The following GPC5 variants were observed in gnomAD, a reference collection of about 807,000 sequenced individuals.
GPC5 encodes glypican-5.
A neutral mutation model predicts 53.9 loss-of-function variants in GPC5; 47 were observed. The ratio of observed to expected loss-of-function variants is 0.87; its 90% CI spans 0.69 to 1.11. GPC5 has a LOEUF of 1.11. GPC5 is among the 50% of genes most tolerant of loss of function. The probability of loss-of-function intolerance (pLI) is 0.00; values close to 1 mark genes in which losing one functional copy is unlikely to be tolerated. For missense variants in GPC5, 748 were observed against 713.1 expected (o/e 1.05, Z -0.56); for synonymous variants, 286 against 263.3 (o/e 1.09, Z -0.84).
intron 7 of GPC5, among the ~76,000 whole-genome samples, chr13:92,603,326 ATC>A (rs1884144571): frequency 6.6e-6 from 1 of 152,022 alleles, no homozygotes; most frequent in Non-Finnish European, 1.5e-5. Context: ...GCCTAAGAAA[ATC>A]TCTGTCTTCC....
At chr13:91,617,072 T>C (rs56009504) in intron 2 of GPC5, among the ~76,000 whole-genome samples, 6,009 of 152,226 alleles carry the variant, frequency 0.039, 147 homozygotes, top group African/African-American at 0.064. Context: ...CACTGGAGTA[T>C]TGGCTGGTTA....
At chr13:92,845,323 C>T (rs1035939530) in intron 7 of GPC5, among the ~76,000 whole-genome samples, 5 of 152,132 alleles carry the variant, frequency 3.3e-5, no homozygotes, top group African/African-American at 1.2e-4. Flanking sequence ...CTCAGCCTCA[C>T]TCATGGTCAG....
At chr13:91,943,175 T>C (rs955571626) in intron 6 of GPC5, among the ~76,000 whole-genome samples, 2 of 152,158 alleles carry the variant, frequency 1.3e-5, no homozygotes, top group Non-Finnish European at 2.9e-5. Flanking sequence ...TGCTATGCTT[T>C]TTCATTTCAT....
At chr13:91,880,062 A>C (rs902893490) in intron 5 of GPC5, among the ~76,000 whole-genome samples, 7 of 152,100 alleles carry the variant, frequency 4.6e-5, no homozygotes, top group Admixed American at 3.3e-4. Context: ...TCCATTTTAT[A>C]AGACTTTTCA....
chr13:92,502,254 T>C (rs1013221532), intron 7 of GPC5, among the ~76,000 whole-genome samples: 7 of 150,736 alleles, frequency 4.6e-5, no homozygotes, highest in Admixed American at 2.6e-4. Context: ...TGTATTTAAA[T>C]AGAGTAAAAA....
intron 7 of GPC5, among the ~76,000 whole-genome samples, chr13:92,754,589 C>T (rs1304021537): frequency 6.6e-6 from 1 of 151,474 alleles, no homozygotes; most frequent in African/African-American, 2.4e-5. Context: ...AAACCCATCT[C>T]ACGTGCAGAG....
chr13:92,366,993 C>A lies in GPC5; in HGVS notation c.1561+222004C>A, dbSNP rs572580045. 2.0e-5 allele frequency among the ~76,000 whole-genome samples: 3 copies of A among 152,230 alleles called. No homozygotes were observed. The South Asian group carries it at 6.2e-4, about 32-fold the overall frequency. Reference sequence around the variant, plus strand: ...TACCTAGGTTTATTTTTCTTCAAAGCATAGTTTGAATTTGTCCAGACTGAA... The same window carrying A: ...TACCTAGGTTTATTTTTCTTCAAAGAATAGTTTGAATTTGTCCAGACTGAA... On this transcript the variant is annotated intron_variant, in intron 7 of 7. Coordinates refer to ENST00000377067, the MANE Select transcript of GPC5 (RefSeq NM_004466.6).
intron 6 of GPC5, among the ~76,000 whole-genome samples, chr13:91,942,941 A>G (rs2039941414): frequency 6.6e-6 from 1 of 152,220 alleles, no homozygotes; most frequent in African/African-American, 2.4e-5. Context: ...GACATTAAAA[A>G]CACCATGCTG....
At chr13:91,580,176 G>C (rs2032305505) in intron 2 of GPC5, among the ~76,000 whole-genome samples, 1 of 152,046 alleles carries the variant, frequency 6.6e-6, no homozygotes, top group African/African-American at 2.4e-5. Context: ...TTAGCCTCCA[G>C]AGTATCTGGG....
At position 92,724,913 on chromosome 13, in the gene GPC5, A is replaced by ACACACACAC. The variant is rs1566386562; in HGVS notation, c.1562-141369_1562-141368insCACACACAC. ...ACACACACACACACACACACACACAAGAAAGAAAAAACAAGAGAGTAGCTA... is the reference window on the plus strand; with the variant it reads ...ACACACACACACACACACACACACAACACACACACGAAAGAAAAAACAAGAGAGTAGCTA... On this transcript the variant is annotated intron_variant, in intron 7 of 7. Transcript: ENST00000377067. Among the ~76,000 whole-genome samples the ACACACACAC allele has an allele frequency of 5.8e-3, 514 of 88,962 alleles. 3 individuals are homozygous for ACACACACAC. Among genetic ancestry groups the ACACACACAC allele is most frequent in the Non-Finnish European group, 0.012 (441 of 37,714 alleles). The allele number at this position is 88,962 out of a possible 152,430, so 58.4% of individuals were successfully genotyped here.
chr13:92,669,196 G>T (rs1886668746), intron 7 of GPC5, among the ~76,000 whole-genome samples: 1 of 152,082 alleles, frequency 6.6e-6, no homozygotes, highest in African/African-American at 2.4e-5. Flanking sequence ...ATGTAATCAA[G>T]AACTCCGCTA....
intron 7 of GPC5, among the ~76,000 whole-genome samples, chr13:92,720,703 G>T (rs1160115880): frequency 1.3e-5 from 2 of 152,114 alleles, no homozygotes. Flanking sequence ...TGACAAATGT[G>T]GTCATGGTCA....
intron 2 of GPC5, among the ~76,000 whole-genome samples, chr13:91,459,183 TC>T (rs1881764261): frequency 6.6e-6 from 1 of 151,384 alleles, no homozygotes; most frequent in African/African-American, 2.4e-5. Flanking sequence ...ACCAAACTCC[TC>T]CACCTGTACC....
intron 7 of GPC5, among the ~76,000 whole-genome samples, chr13:92,837,482 G>A (rs999347073): frequency 1.3e-5 from 2 of 152,118 alleles, no homozygotes; most frequent in African/African-American, 4.8e-5. Context: ...ACTAGTATTT[G>A]CCAGCTAGGG....
At chr13:92,286,810 A>T (rs888927776) in intron 7 of GPC5, among the ~76,000 whole-genome samples, 5 of 152,136 alleles carry the variant, frequency 3.3e-5, no homozygotes, top group African/African-American at 1.2e-4. Context: ...GGTGCAGCAC[A>T]CCAACATGGC....
intron 7 of GPC5, among the ~76,000 whole-genome samples, chr13:92,466,540 T>C (rs1006602531): frequency 6.6e-6 from 1 of 152,084 alleles, no homozygotes; most frequent in Admixed American, 6.6e-5. Flanking sequence ...ATTTTGACTT[T>C]TTACTTCCAA....
At chr13:92,347,864 TTA>T (rs1273534457) in intron 7 of GPC5, among the ~76,000 whole-genome samples, 242 of 8,406 alleles carry the variant, frequency 0.029, 9 homozygotes, top group Middle Eastern at 0.19. Flanking sequence ...CATATATATA[TTA>T]TATATATAAT....
chr13:92,063,669 T>C (rs934495879), intron 6 of GPC5, among the ~76,000 whole-genome samples: 3 of 152,116 alleles, frequency 2.0e-5, no homozygotes, highest in African/African-American at 7.2e-5. Context: ...GAGATCAAAA[T>C]CAGGTGGTTC....
intron 6 of GPC5, among the ~76,000 whole-genome samples, chr13:91,984,813 G>A (rs915008745): frequency 1.3e-5 from 2 of 152,198 alleles, no homozygotes; most frequent in East Asian, 3.9e-4. Flanking sequence ...ACTGACTTCA[G>A]GTTTATTTTG....
Sources: allele counts gnomAD v4.1 joint callset (sites outside exome capture counted in the v4.1 genomes callset), GRCh38; gene constraint gnomAD v4.1.1; transcripts MANE v1.5; gene names NCBI Gene and HGNC (gene_info 2026-07-23, HGNC 2026-07-21).